SPTBN4: variants seen among roughly 807,000 people sequenced by gnomAD.
The protein encoded by SPTBN4 is spectrin beta chain, non-erythrocytic 4.
A neutral mutation model predicts 277.8 loss-of-function variants in SPTBN4; 96 were observed. The ratio of observed to expected loss-of-function variants is 0.35; its 90% CI spans 0.29 to 0.41. The LOEUF is 0.41. Among genes scored for constraint, SPTBN4 ranks in the 10% least tolerant of loss-of-function variants. The pLI, the probability that SPTBN4 is intolerant of heterozygous loss-of-function variation, is 1.00. For missense variants in SPTBN4, 3,006 were observed against 3,595.7 expected, an observed-to-expected ratio of 0.84 and a Z score of 4.19; for synonymous variants, 1,481 against 1,580.3, an observed-to-expected ratio of 0.94 and a Z score of 1.49.
At position 40,504,094 on chromosome 19, in the gene SPTBN4, G is replaced by A. The variant is rs1163126717; in HGVS notation, c.1627G>A (p.Glu543Lys). The A allele has an allele frequency of 6.4e-7, 1 of 1,555,780 alleles. No homozygotes were observed. The highest frequency in any genetic ancestry group is 8.8e-7 in the Non-Finnish European group (1 of 1,141,438). ...CCTTGCCCTGCAGAAGGTCTTCCAG[G>A]AGATGGTGTACATGGTGGACTGGAT... Reference protein sequence around the residue: ...QNLALQKVFQEMVYMVDWMEE... With the variant: ...QNLALQKVFQKMVYMVDWMEE... The change falls in exon 12 of 36, where the codon GAG becomes AAG. Residue 543 changes from glutamate to lysine, a missense_variant. Transcript: ENST00000598249.
At chr19:40,547,233 A>G (rs964326009) in intron 20 of SPTBN4, among the ~76,000 whole-genome samples, 23 of 131,226 alleles carry the variant, frequency 1.8e-4, no homozygotes, top group Non-Finnish European at 2.8e-4. Context: ...CCTGTGTCCA[A>G]GTGTTCTCAT....
chr19:40,536,927 G>A (rs1433567215), intron 20 of SPTBN4, among the ~76,000 whole-genome samples: 8 of 151,854 alleles, frequency 5.3e-5, no homozygotes, highest in Middle Eastern at 3.2e-3. Context: ...CTGGGACTAC[G>A]GACCCACACC....
chr19:40,486,375 T>G (rs912087607), intron 2 of SPTBN4, among the ~76,000 whole-genome samples: 1 of 151,644 alleles, frequency 6.6e-6, no homozygotes, highest in Non-Finnish European at 1.5e-5. Context: ...CAGCAACTTT[T>G]TTTTTTTTTT....
At position 40,560,514 on chromosome 19, in the gene SPTBN4, T is replaced by C; in HGVS notation, c.5915+111T>C. ...ATGGAATGACAACAGCCAATATCTG[T>C]GTGGCGCCTCTGTGTGCTAGGCACT... On this transcript the variant is annotated intron_variant, in intron 27 of 35. Transcript: ENST00000598249. This position sits in a 1 kb window ranked among gnomAD's most constrained non-coding sequence, Gnocchi z 5.2. 6.3e-7 allele frequency: 1 copy of C among 1,583,132 alleles called. No homozygotes were observed. The highest frequency in any genetic ancestry group is 8.6e-7 in the Non-Finnish European group (1 of 1,163,214).
At chr19:40,567,608 C>T (rs1256444847) in intron 30 of SPTBN4, 55 bp from the exon 31 acceptor site, 17 of 1,371,202 alleles carry the variant, frequency 1.2e-5, no homozygotes, top group African/African-American at 3.1e-5. Context: ...GGACCTCCCC[C>T]TTACCCCGCC....
chr19:40,575,839 T>G lies in SPTBN4; in HGVS notation c.*270T>G. ...CTTATTTTTATGCAATAACTGAGCT[T>G]GATGGGGGTGGGCAGGGGGCCAGTT... On this transcript the variant is annotated 3_prime_UTR_variant, in exon 36 of 36. Coordinates refer to ENST00000598249, the MANE Select transcript of SPTBN4 (RefSeq NM_020971.3). The G allele has an allele frequency of 3.3e-6, 1 of 299,888 alleles. No individual in the cohort carries two copies. The highest frequency in any genetic ancestry group is 6.3e-6 in the Non-Finnish European group (1 of 159,934). 18.6% of individuals were successfully genotyped at this position (299,888 alleles called of 1,614,324 possible).
Position 40,520,830 on chromosome 19 carries a change from A to C in SPTBN4, c.3654+679A>C, listed in dbSNP as rs555344820. ...GGAACAGCCAGTTTTCAGATTGTCC[A>C]GTGTTTGGGGATCATGTTAGAAAGG... On this transcript the variant is annotated intron_variant, in intron 16 of 35. Coordinates refer to ENST00000598249, the MANE Select transcript of SPTBN4 (RefSeq NM_020971.3). Among the ~76,000 whole-genome samples, 4 of 152,266 alleles carry C rather than the reference A, an allele frequency of 2.6e-5. No homozygotes were observed. The East Asian group carries it at 7.7e-4, about 29-fold the overall frequency.
At chr19:40,568,562 C>G (rs2081120184) in intron 31 of SPTBN4, among the ~76,000 whole-genome samples, 1 of 152,230 alleles carries the variant, frequency 6.6e-6, no homozygotes, top group Non-Finnish European at 1.5e-5. Context: ...TGCATCAAGT[C>G]TCCCGGGTGC....
In SPTBN4 at chr19:40,555,589, G is replaced by T. The variant is rs1648035851; in HGVS notation, c.5085-495G>T. 2.0e-5 allele frequency among the ~76,000 whole-genome samples: 3 copies of T among 151,838 alleles called. 1 individual carries two copies. Among genetic ancestry groups the T allele is most frequent in the African/African-American group, 7.3e-5 (3 of 41,312 alleles). ...CATTTAGGGAAGCGGAGCTTTCCCTGCATGCTGAAATGCAGGGCTTTCTGA... is the reference window on the plus strand; with the variant it reads ...CATTTAGGGAAGCGGAGCTTTCCCTTCATGCTGAAATGCAGGGCTTTCTGA... On this transcript the variant is annotated intron_variant, in intron 24 of 35. Transcript: ENST00000598249.
In SPTBN4 at chr19:40,472,727, C is replaced by G. The variant is rs375002828; in HGVS notation, c.106C>G (p.Gln36Glu). 6 of 1,609,108 alleles carry G rather than the reference C, an allele frequency of 3.7e-6. No individual in the cohort carries two copies. In the African/African-American group the frequency reaches 6.7e-5, roughly 18 times the overall value. Reference protein sequence around the residue: ...ESPDRGWEREQPAASTAAASL... With the variant: ...ESPDRGWEREEPAASTAAASL... ...TCCGGATCGGGGCTGGGAGCGGGAG[C>G]AGCCGGCTGCGTCCACCGCAGCGGC... The change falls in exon 2 of 36, where the codon CAG becomes GAG. Residue 36 changes from glutamine (Q) to glutamate (E), a missense_variant. Gln to Glu is a conservative substitution (Grantham distance 29). Coordinates refer to ENST00000598249, the MANE Select transcript of SPTBN4 (RefSeq NM_020971.3).
chr19:40,499,305 G>A (rs1424752141), intron 7 of SPTBN4, among the ~76,000 whole-genome samples: 2 of 151,852 alleles, frequency 1.3e-5, no homozygotes, highest in East Asian at 1.9e-4. Flanking sequence ...CTCCCAAAGA[G>A]CTGGGATTAC....
rs1283165540 is a variant in SPTBN4 at position 40,554,153 on chromosome 19, C to A, written c.4681C>A (p.Arg1561=). ...CCTTACCTCCTGCCCCCAGGGCCTG[C>A]GGCGGGAGATCCAGGCGCATGGGCC... ...QQHIKKNQGL[R]REIQAHGPRL... is the part of the protein sequence containing the mutation. Residue 1561 remains arginine, a synonymous_variant, in exon 23 of 36, where the codon CGG becomes AGG. Coordinates refer to ENST00000598249, the MANE Select transcript of SPTBN4 (RefSeq NM_020971.3). This position sits in a 1 kb window ranked among gnomAD's most constrained non-coding sequence, Gnocchi z 5.7. 5 of 1,442,134 alleles carry A rather than the reference C, an allele frequency of 3.5e-6. No homozygotes were observed. The highest frequency in any genetic ancestry group is 4.5e-6 in the Non-Finnish European group (5 of 1,113,900). The allele number at this position is 1,442,134 out of a possible 1,614,324, so 89.3% of individuals were successfully genotyped here.
chr19:40,565,890 A>C (rs1317552723), intron 29 of SPTBN4, 145 bp downstream of exon 29: 1 of 964,882 alleles, frequency 1.0e-6, no homozygotes, highest in Non-Finnish European at 1.5e-6. Context: ...GGAAGGGTGG[A>C]CAAGGGGGCT....
At position 40,557,687 on chromosome 19, in the gene SPTBN4, G is replaced by A. The variant is rs372515984; in HGVS notation, c.5670+284G>A. Among the ~76,000 whole-genome samples the A allele has an allele frequency of 3.3e-5, 5 of 152,140 alleles. No individual in the cohort carries two copies. The East Asian group carries it at 9.6e-4, about 29-fold the overall frequency. Reference sequence around the variant, plus strand: ...TGGTGGCTCCCTTTGGGAGGCCAACGCAGGCGGATCATCTGAGGTCAGGAG... The same window carrying A: ...TGGTGGCTCCCTTTGGGAGGCCAACACAGGCGGATCATCTGAGGTCAGGAG... On this transcript the variant is annotated intron_variant, in intron 26 of 35. Transcript: ENST00000598249.
intron 35 of SPTBN4, 83 bp from the exon 36 acceptor site, chr19:40,575,328 G>C: frequency 2.1e-6 from 3 of 1,439,652 alleles, no homozygotes; most frequent in Non-Finnish European, 2.8e-6. Flanking sequence ...GAATTTCAGA[G>C]AGGGTAGTCT....
rs1182212920 is a variant in SPTBN4, at chr19:40,560,439, C to G, written c.5915+36C>G. On this transcript the variant is annotated intron_variant, in intron 27 of 35. Transcript: ENST00000598249. The surrounding 1 kb of genome is among the most constrained non-coding windows in gnomAD (Gnocchi z 5.2). ...TCCCTCCTCGGGCTTCCTGCCTCCC[C>G]CTGGTGGCCTACCCCAGCCACCCCC... 1 of 1,613,194 alleles carries G rather than the reference C, an allele frequency of 6.2e-7. No homozygotes were observed.
At chr19:40,558,947 T>TATTATTATGATGATGATGATG (rs1026792401) in intron 26 of SPTBN4, among the ~76,000 whole-genome samples, 11 of 146,140 alleles carry the variant, frequency 7.5e-5, no homozygotes, top group African/African-American at 2.8e-4. Flanking sequence ...TTATTATTAT[T>TATTATTATGATGATGATGATG]ATGAGGCAGA....
At chr19:40,513,675 C>A in intron 14 of SPTBN4, 121 bp downstream of exon 14, 2 of 1,073,472 alleles carry the variant, frequency 1.9e-6, no homozygotes, top group Non-Finnish European at 2.6e-6. Flanking sequence ...CCTGCTTCAC[C>A]CATAGCCAGC....
chr19:40,557,439 G>T (rs532073484), intron 26 of SPTBN4, 36 bp downstream of exon 26: 5 of 1,521,224 alleles, frequency 3.3e-6, no homozygotes, highest in African/African-American at 1.4e-5. Flanking sequence ...AGGTGGGAGG[G>T]CCTGGACAGC....
Sources: allele counts gnomAD v4.1 joint callset (sites outside exome capture counted in the v4.1 genomes callset), GRCh38; gene constraint gnomAD v4.1.1; non-coding constraint Gnocchi (gnomAD v3.1); transcripts MANE v1.5; gene names NCBI Gene and HGNC (gene_info 2026-07-23, HGNC 2026-07-21).